HSF2: variants seen among roughly 807,000 people sequenced by gnomAD.
The protein encoded by HSF2 is heat shock transcription factor 2.
Under a neutral mutation model 65.0 loss-of-function variants are expected in HSF2, and 21 were observed. The observed-to-expected ratio is 0.32, with a 90% CI of 0.23 to 0.47. The LOEUF (loss-of-function observed/expected upper bound fraction) is 0.47. Among genes scored for constraint, HSF2 ranks in the 20% least tolerant of loss-of-function variants. The pLI is 1.00. For synonymous variants in HSF2, 225 were observed against 219.1 expected, an observed-to-expected ratio of 1.03 and a Z score of -0.24; for missense variants, 499 against 628.1, an observed-to-expected ratio of 0.79 and a Z score of 2.20.
Position 122,432,377 on chromosome 6 carries a change from C to G in HSF2, c.*157C>G. 1.6e-6 allele frequency: 1 copy of G among 615,452 alleles called. No homozygotes were observed. The allele number at this position is 615,452 out of a possible 1,614,324, so 38.1% of individuals were successfully genotyped here. On this transcript the variant is annotated 3_prime_UTR_variant, in exon 13 of 13. Transcript: ENST00000368455. ...TTTTGCTTTTCTCACTAACCACACA[C>G]TCTTGCAGAGCTTTCAGGTGTTACT...
At chr6:122,418,737 G>A (rs999440259) in intron 5 of HSF2, among the ~76,000 whole-genome samples, 3 of 152,108 alleles carry the variant, frequency 2.0e-5, no homozygotes, top group African/African-American at 7.2e-5. Flanking sequence ...TTCCCAAAGT[G>A]TTGGGATTAC....
intron 1 of HSF2, among the ~76,000 whole-genome samples, chr6:122,408,194 A>G (rs191341817): frequency 3.9e-5 from 6 of 152,222 alleles, no homozygotes; most frequent in Admixed American, 1.3e-4. Context: ...CCATTGGACA[A>G]TTTATCCTGT....
rs531861510 is a variant in HSF2, at chr6:122,422,542, A to G, written c.831-176A>G. On this transcript the variant is annotated intron_variant, in intron 8 of 12. Transcript: ENST00000368455. ...TTTGGAGTTAAGCACTTCTCATTCA[A>G]TCTTTATGGTCTTCTATACTATGAA... Among the ~76,000 whole-genome samples the G allele has an allele frequency of 3.8e-4, 58 of 152,246 alleles. 1 individual carries two copies. The highest frequency in any genetic ancestry group is 1.3e-3 in the African/African-American group (56 of 41,560).
chr6:122,426,803 A>T (rs1047924286), intron 10 of HSF2, among the ~76,000 whole-genome samples: 12 of 152,048 alleles, frequency 7.9e-5, no homozygotes, highest in Non-Finnish European at 1.5e-4. Context: ...TAACTCAGTG[A>T]GTGCATTTCA....
intron 6 of HSF2, among the ~76,000 whole-genome samples, chr6:122,419,590 CT>C (rs1774192260): frequency 6.6e-6 from 1 of 152,002 alleles, no homozygotes; most frequent in Non-Finnish European, 1.5e-5. Flanking sequence ...TTTACTTGAC[CT>C]CTCTTAGTTT....
chr6:122,432,289 T>A lies in HSF2; in HGVS notation c.*69T>A. 4 of 1,306,012 alleles carry A rather than the reference T, an allele frequency of 3.1e-6. No individual in the cohort carries two copies. The highest frequency in any genetic ancestry group is 4.2e-6 in the Non-Finnish European group (4 of 941,566). 80.9% of individuals were successfully genotyped at this position (1,306,012 alleles called of 1,614,324 possible). On this transcript the variant is annotated 3_prime_UTR_variant, in exon 13 of 13. Coordinates refer to ENST00000368455, the MANE Select transcript of HSF2 (RefSeq NM_004506.4). ...ATGAACTATTTATTTTAAAGTATCA[T>A]TTGGTACTTTTTTTGTAAATTGCTT...
In HSF2 at chr6:122,403,993, A is replaced by G. The variant is rs1171209885; in HGVS notation, c.93+4163A>G. Among the ~76,000 whole-genome samples, 3 of 152,344 alleles carry G rather than the reference A, an allele frequency of 2.0e-5. No individual in the cohort carries two copies. The East Asian group carries it at 5.8e-4, about 29-fold the overall frequency. On this transcript the variant is annotated intron_variant, in intron 1 of 12. Coordinates refer to ENST00000368455, the MANE Select transcript of HSF2 (RefSeq NM_004506.4). The stretch of plus-strand genomic sequence containing the variant: ...TGCTGAAGTGAAGCAGTATAAAAGA[A>G]GGAAAGAACTGGAAGGTCATCCTTT...
rs1283481853 is a variant in HSF2 at position 122,431,408 on chromosome 6, T to C, written c.1231-22T>C. On this transcript the variant is annotated intron_variant, in intron 11 of 12. Transcript: ENST00000368455. ...ACATAAAATATGAAACAAGTACTTA[T>C]ATATATATTTTTTTCTTTTAGTCTG... 7.5e-6 allele frequency: 9 copies of C among 1,194,472 alleles called. No homozygotes were observed. The East Asian group carries it at 1.6e-4, about 21-fold the overall frequency. 74.0% of individuals were successfully genotyped at this position (1,194,472 alleles called of 1,614,324 possible). A position where few individuals can be genotyped will look rare whatever the true frequency, so the allele number is the denominator to read the frequency against.
At chr6:122,428,001 C>A (rs756769766) in intron 11 of HSF2, 45 bp downstream of exon 11, 23 of 1,330,506 alleles carry the variant, frequency 1.7e-5, no homozygotes, top group Admixed American at 2.1e-5. Flanking sequence ...CTATAAAAAT[C>A]TACAAAAACG....
chr6:122,399,605 G>T (rs1299959340), upstream of HSF2: 2 of 693,782 alleles, frequency 2.9e-6, no homozygotes, highest in East Asian at 3.0e-5. Context: ...GCGCCTGGCG[G>T]GGTTGGGGGG....
chr6:122,401,398 A>T (rs1395440423), intron 1 of HSF2, among the ~76,000 whole-genome samples: 1 of 152,220 alleles, frequency 6.6e-6, no homozygotes, highest in Non-Finnish European at 1.5e-5. Flanking sequence ...TGACTTTATC[A>T]TACCTTTTTG....
intron 7 of HSF2, 21 bp downstream of exon 7, chr6:122,420,243 T>A (rs1361863698): frequency 1.3e-6 from 2 of 1,548,276 alleles, no homozygotes; most frequent in African/African-American, 2.7e-5. Flanking sequence ...AGTTAGGGTC[T>A]ATTTTATATT....
intron 10 of HSF2, among the ~76,000 whole-genome samples, chr6:122,425,103 T>C (rs1774311906): frequency 6.6e-6 from 1 of 152,020 alleles, no homozygotes; most frequent in Non-Finnish European, 1.5e-5. Context: ...ATCTTTCCCG[T>C]CTGCCTTCAG....
chr6:122,428,004 C>A, intron 11 of HSF2, 48 bp downstream of exon 11: 1 of 1,254,836 alleles, frequency 8.0e-7, no homozygotes, highest in Non-Finnish European at 1.1e-6. Context: ...TAAAAATCTA[C>A]AAAAACGTCC....
intron 10 of HSF2, 96 bp from the exon 11 acceptor site, chr6:122,427,807 A>G (rs1774370140): frequency 1.3e-6 from 1 of 753,634 alleles, no homozygotes; most frequent in African/African-American, 1.8e-5. Context: ...TGCAGGGGCT[A>G]CATCTCTTCA....
intron 4 of HSF2, among the ~76,000 whole-genome samples, chr6:122,415,185 G>A (rs1774095521): frequency 6.6e-6 from 1 of 152,174 alleles, no homozygotes; most frequent in Non-Finnish European, 1.5e-5. Flanking sequence ...GGTGAACGAA[G>A]AAGAAGCTAT....
At position 122,422,766 on chromosome 6, in the gene HSF2, T is replaced by C; in HGVS notation, c.879T>C (p.Asp293=). The C allele has an allele frequency of 3.7e-6, 6 of 1,613,210 alleles. No homozygotes were observed. The Middle Eastern group carries it at 5.0e-4, about 133-fold the overall frequency. Reference sequence around the variant, plus strand: ...TCATCGTTGAAGATGACAATGAAGATGAGTATGCACCTGTCATTCAGAGTG... The same window carrying C: ...TCATCGTTGAAGATGACAATGAAGACGAGTATGCACCTGTCATTCAGAGTG... The part of the protein sequence containing the change: ...DIVIVEDDNE[D]EYAPVIQSGE... Residue 293 remains aspartate (D), a synonymous_variant, in exon 9 of 13, where the codon GAT becomes GAC. Coordinates refer to ENST00000368455, the MANE Select transcript of HSF2 (RefSeq NM_004506.4).
At position 122,432,032 on chromosome 6, in the gene HSF2, T is replaced by G; in HGVS notation, c.1423T>G (p.Ser475Ala). ...ASTTASSEVLSSVDKPIEVDE... is the reference protein window; with the variant it reads ...ASTTASSEVLASVDKPIEVDE... The stretch of plus-strand genomic sequence containing the variant: ...TACAACAGCATCATCAGAAGTTTTG[T>G]CCTCTGTAGATAAACCCATAGAAGT... The change falls in exon 13 of 13, where the codon TCC (serine) becomes GCC (alanine). Residue 475 changes from serine (S) to alanine (A), a missense_variant. Physicochemically the swap from Ser to Ala is moderately conservative, Grantham distance 99 (BLOSUM62 1). Transcript: ENST00000368455. 2 of 1,614,138 alleles carry G rather than the reference T, an allele frequency of 1.2e-6. No homozygotes were observed. Among genetic ancestry groups the G allele is most frequent in the Non-Finnish European group, 1.7e-6 (2 of 1,179,994 alleles).
intron 11 of HSF2, 109 bp from the exon 12 acceptor site, chr6:122,431,321 C>T: frequency 2.4e-6 from 1 of 423,966 alleles, no homozygotes; most frequent in Non-Finnish European, 4.1e-6. Context: ...TTCCCCATCT[C>T]ATATATTTCA....
Sources: gnomAD v4.1 joint callset for allele counts (sites outside exome capture counted in the v4.1 genomes callset) on GRCh38, gnomAD v4.1.1 for gene constraint, MANE v1.5 for transcripts, NCBI Gene and HGNC (gene_info 2026-07-23, HGNC 2026-07-21) for gene names.